The following CCDC68 variants were observed in gnomAD, a reference collection of about 807,000 sequenced individuals.
CCDC68 encodes the protein coiled-coil domain containing 68, also known as coiled-coil domain-containing protein 68.
Under a neutral mutation model 47.1 loss-of-function variants are expected in CCDC68, and 45 were observed. The ratio of observed to expected loss-of-function variants is 0.96; its 90% CI spans 0.75 to 1.23. The LOEUF (loss-of-function observed/expected upper bound fraction) is 1.23. Ranked by LOEUF, CCDC68 falls within the 50% of genes most tolerant of loss-of-function variation. CCDC68 has a pLI of 0.00. For missense variants in CCDC68, 353 were observed against 373.6 expected (o/e 0.94, Z 0.45); for synonymous variants, 131 against 129.5 (o/e 1.01, Z -0.08).
At chr18:54,926,997 C>G (rs887307800) in intron 8 of CCDC68, among the ~76,000 whole-genome samples, 1 of 152,164 alleles carries the variant, frequency 6.6e-6, no homozygotes, top group Non-Finnish European at 1.5e-5. Flanking sequence ...TTTAAGAAGA[C>G]AAATCTTTTT....
chr18:54,937,277 T>G, intron 5 of CCDC68: 1 of 219,688 alleles, frequency 4.6e-6, no homozygotes, highest in South Asian at 1.0e-4. Flanking sequence ...TACACTTATT[T>G]GCAAGCCTTT....
chr18:54,904,262 T>C lies in CCDC68; in HGVS notation c.*96A>G, dbSNP rs918786671. On this transcript the variant is annotated 3_prime_UTR_variant, in exon 12 of 12. Transcript: ENST00000591504. The stretch of plus-strand genomic sequence containing the variant: ...TATGTAATAAGTTCCATTTAAATAA[T>C]GGCATTTTGCCATTTTAACATGAAA... 2.9e-5 allele frequency: 27 copies of C among 925,120 alleles called. No individual in the cohort carries two copies. Among genetic ancestry groups the C allele is most frequent in the East Asian group, 2.4e-5 (1 of 41,432 alleles). The allele number at this position is 925,120 out of a possible 1,614,324, so 57.3% of individuals were successfully genotyped here.
In CCDC68 at chr18:54,904,076, A is replaced by G. The variant is rs1913836662; in HGVS notation, c.*282T>C. ...CAGTAGAAAAAAAAATCTGAAAACA[A>G]GATTCAGATTTTTTTTTTTTTTTAA... On this transcript the variant is annotated 3_prime_UTR_variant, in exon 12 of 12. Coordinates refer to ENST00000591504, the MANE Select transcript of CCDC68 (RefSeq NM_025214.3). 3 of 235,568 alleles carry G rather than the reference A, an allele frequency of 1.3e-5. No homozygotes were observed. The highest frequency in any genetic ancestry group is 2.2e-5 in the Non-Finnish European group (3 of 138,848). The allele number at this position is 235,568 out of a possible 1,614,324, so 14.6% of individuals were successfully genotyped here. A position where few individuals can be genotyped will look rare whatever the true frequency, so the allele number is the denominator to read the frequency against.
intron 5 of CCDC68, 102 bp from the exon 6 acceptor site, chr18:54,937,060 C>A (rs1231660420): frequency 9.6e-7 from 1 of 1,040,368 alleles, no homozygotes; most frequent in Non-Finnish European, 1.4e-6. Context: ...TATAACTATA[C>A]CATTTACAGC....
intron 1 of CCDC68, among the ~76,000 whole-genome samples, chr18:54,950,321 C>T (rs76691540): frequency 0.058 from 8,871 of 152,164 alleles, 588 homozygotes; most frequent in African/African-American, 0.16. Flanking sequence ...GGGAAAATAG[C>T]GAACGTTATC....
At chr18:54,942,633 T>A (rs1426460077) in intron 3 of CCDC68, 42 bp downstream of exon 3, 1 of 1,235,448 alleles carries the variant, frequency 8.1e-7, no homozygotes, top group Non-Finnish European at 1.2e-6. Context: ...AATTTCTCTT[T>A]AAAAAATCAT....
chr18:54,924,232 C>T (rs565588548), intron 8 of CCDC68, among the ~76,000 whole-genome samples: 7 of 152,070 alleles, frequency 4.6e-5, no homozygotes, highest in African/African-American at 1.7e-4. Flanking sequence ...ATGTAGAATA[C>T]ATGCTTTTCC....
intron 1 of CCDC68, among the ~76,000 whole-genome samples, chr18:54,946,398 C>G (rs2044528315): frequency 6.6e-6 from 1 of 152,200 alleles, no homozygotes; most frequent in Non-Finnish European, 1.5e-5. Flanking sequence ...AAAATAGAGG[C>G]AAGCAAAGCA....
At chr18:54,938,212 C>A in intron 4 of CCDC68, 115 bp from the exon 5 acceptor site, 6 of 947,912 alleles carry the variant, frequency 6.3e-6, no homozygotes, top group Non-Finnish European at 8.7e-6. Context: ...TCAGCACAAA[C>A]AAACATCTTT....
Position 54,955,708 on chromosome 18 carries a change from T to TTTTGTTTG in CCDC68, c.-103+3620_-103+3627dup, listed in dbSNP as rs529541597. On this transcript the variant is annotated intron_variant, in intron 1 of 11. Transcript: ENST00000591504. Reference sequence around the variant, plus strand: ...GTTCTTGCAAAGTTAAGAAGTTCTTTTTTGTTTGTTTGTTTGTTTGTTTGT... The same window carrying TTTTGTTTG: ...GTTCTTGCAAAGTTAAGAAGTTCTTTTTTGTTTGTTTGTTTGTTTGTTTGTTTGTTTGT... Among the ~76,000 whole-genome samples, 3 of 152,002 alleles carry TTTTGTTTG rather than the reference T, an allele frequency of 2.0e-5. No individual in the cohort carries two copies. The South Asian group carries it at 6.2e-4, about 32-fold the overall frequency.
At chr18:54,916,216 T>A (rs1487939955) in intron 10 of CCDC68, among the ~76,000 whole-genome samples, 1 of 152,076 alleles carries the variant, frequency 6.6e-6, no homozygotes, top group Non-Finnish European at 1.5e-5. Context: ...GAGAGCAGTG[T>A]GTTAATCAGT....
At chr18:54,957,203 C>T (rs917821756) in intron 1 of CCDC68, among the ~76,000 whole-genome samples, 1 of 152,204 alleles carries the variant, frequency 6.6e-6, no homozygotes, top group Non-Finnish European at 1.5e-5. Context: ...GCCTGGAACA[C>T]ATGATTCCTA....
intron 11 of CCDC68, among the ~76,000 whole-genome samples, chr18:54,906,061 A>G (rs567873535): frequency 2.0e-5 from 3 of 152,342 alleles, no homozygotes; most frequent in Admixed American, 6.5e-5. Flanking sequence ...TAGTGAGTTT[A>G]TAATTATTTT....
intron 10 of CCDC68, among the ~76,000 whole-genome samples, chr18:54,912,980 G>T (rs1914455947): frequency 1.3e-5 from 2 of 152,192 alleles, no homozygotes; most frequent in Admixed American, 1.3e-4. Flanking sequence ...AACACATGGG[G>T]ATTATGGGAG....
intron 11 of CCDC68, among the ~76,000 whole-genome samples, chr18:54,906,842 G>A (rs1914038299): frequency 6.6e-6 from 1 of 152,102 alleles, no homozygotes; most frequent in Non-Finnish European, 1.5e-5. Flanking sequence ...AGATTTTAGA[G>A]GACTTGAATC....
At chr18:54,942,981 C>T in intron 2 of CCDC68, 178 bp from the exon 3 acceptor site, 1 of 428,528 alleles carries the variant, frequency 2.3e-6, no homozygotes. Flanking sequence ...AAAGCCATAT[C>T]ATCTGAAGGA....
At chr18:54,918,720 A>G (rs2043999428) in intron 9 of CCDC68, among the ~76,000 whole-genome samples, 1 of 152,222 alleles carries the variant, frequency 6.6e-6, no homozygotes, top group Non-Finnish European at 1.5e-5. Flanking sequence ...CCTGAATAGA[A>G]GTCTGATTTT....
chr18:54,939,403 TAA>T (rs2044400358), intron 4 of CCDC68, among the ~76,000 whole-genome samples: 1 of 152,088 alleles, frequency 6.6e-6, no homozygotes, highest in Non-Finnish European at 1.5e-5. Flanking sequence ...TAGAACTGGT[TAA>T]AAATGCAGAT....
intron 8 of CCDC68, among the ~76,000 whole-genome samples, chr18:54,920,859 A>C (rs554691278): frequency 6.6e-6 from 1 of 152,364 alleles, no homozygotes; most frequent in South Asian, 2.1e-4. Context: ...TACCCAAAGG[A>C]AAACCGATCA....
Sources: gnomAD v4.1 joint callset for allele counts (sites outside exome capture counted in the v4.1 genomes callset) on GRCh38, gnomAD v4.1.1 for gene constraint, MANE v1.5 for transcripts, NCBI Gene and HGNC (gene_info 2026-07-23, HGNC 2026-07-21) for gene names.